The following KIFC1 variants were observed in gnomAD, a reference collection of about 807,000 sequenced individuals.
KIFC1 encodes the protein kinesin family member C1.
Under a neutral mutation model 66.6 loss-of-function variants are expected in KIFC1, and 37 were observed. The observed-to-expected ratio is 0.56, with a 90% CI of 0.43 to 0.73. KIFC1 has a LOEUF of 0.73. Among genes scored for constraint, KIFC1 ranks in the 30% least tolerant of loss-of-function variants. The pLI is 0.00. For synonymous variants in KIFC1, 325 were observed against 343.5 expected (o/e 0.95, Z 0.60); for missense variants, 721 against 859.8 (o/e 0.84, Z 2.02).
chr6:33,407,212 C>T, intron 10 of KIFC1: 1 of 489,660 alleles, frequency 2.0e-6, no homozygotes, highest in Non-Finnish European at 3.2e-6. Flanking sequence ...AGTTTAAAAT[C>T]AGTCTGGGCA....
chr6:33,399,972 G>A, intron 3 of KIFC1: 3 of 579,362 alleles, frequency 5.2e-6, no homozygotes, highest in Non-Finnish European at 9.2e-6. Flanking sequence ...CACTTGCCAA[G>A]GCTGATGTAA....
At position 33,404,608 on chromosome 6, in the gene KIFC1, C is replaced by T. The variant is rs1239689511; in HGVS notation, c.757-244C>T. On this transcript the variant is annotated intron_variant, in intron 6 of 10. Transcript: ENST00000428849. This position sits in a 1 kb window ranked among gnomAD's most constrained non-coding sequence, Gnocchi z 4.0. ...ATACTACATCCTTCCTTGGTTCACT[C>T]CTGTACTTCTGGGTGTCACCCTAGA... 1.3e-5 allele frequency among the ~76,000 whole-genome samples: 2 copies of T among 152,148 alleles called. No individual in the cohort carries two copies. The highest frequency in any genetic ancestry group is 2.9e-5 in the Non-Finnish European group (2 of 68,022).
At chr6:33,395,620 A>G (rs550886640) in intron 1 of KIFC1, among the ~76,000 whole-genome samples, 2 of 152,302 alleles carry the variant, frequency 1.3e-5, no homozygotes, top group African/African-American at 4.8e-5. Context: ...AAAAATATAT[A>G]TACTGTGGTC....
chr6:33,406,954 A>C lies in KIFC1; in HGVS notation c.1977+79A>C. 1 of 1,590,808 alleles carries C rather than the reference A, an allele frequency of 6.3e-7. No homozygotes were observed. The highest frequency in any genetic ancestry group is 8.6e-7 in the Non-Finnish European group (1 of 1,167,156). ...TCCATTCCAATCCCTTTTGTCTTCTAGGGCAGGGAGCACATTTGTGCAGAA... is the reference window on the plus strand; with the variant it reads ...TCCATTCCAATCCCTTTTGTCTTCTCGGGCAGGGAGCACATTTGTGCAGAA... On this transcript the variant is annotated intron_variant, in intron 10 of 10. Transcript: ENST00000428849. This position sits in a 1 kb window ranked among gnomAD's most constrained non-coding sequence, Gnocchi z 4.5.
In KIFC1 at chr6:33,397,956, G is replaced by C. The variant is rs548792744; in HGVS notation, c.13-73G>C. ...GGTGGTGGTGTTGACAATTGAGGCT[G>C]GGGGCCAAGACAGGAAGTTCTTGGG... On this transcript the variant is annotated intron_variant, in intron 1 of 10. Transcript: ENST00000428849. 1.6e-5 allele frequency: 25 copies of C among 1,536,656 alleles called. 1 individual carries two copies. Among genetic ancestry groups the C allele is most frequent in the South Asian group, 1.0e-4 (9 of 88,180 alleles).
In KIFC1 at chr6:33,409,705, C is replaced by CTGTGTGTGTGTG. The variant is rs3066474; in HGVS notation, c.*53_*64dup. The CTGTGTGTGTGTG allele has an allele frequency of 9.3e-4, 1,180 of 1,263,830 alleles. 8 individuals are homozygous for CTGTGTGTGTGTG. The highest frequency in any genetic ancestry group is 4.7e-3 in the African/African-American group (251 of 53,518). The allele number at this position is 1,263,830 out of a possible 1,614,324, so 78.3% of individuals were successfully genotyped here. ...ACAGGAAGTGAAGACGGATCCAGAT[C>CTGTGTGTGTGTG]TGTGTGTGTGTGTGTGTGTGTGTGT... is the stretch of plus-strand genomic sequence containing the variant. On this transcript the variant is annotated 3_prime_UTR_variant, in exon 11 of 11. Coordinates refer to ENST00000428849, the MANE Select transcript of KIFC1 (RefSeq NM_002263.4).
At chr6:33,398,817 A>C (rs1203970780) in intron 3 of KIFC1, among the ~76,000 whole-genome samples, 1 of 152,098 alleles carries the variant, frequency 6.6e-6, no homozygotes, top group African/African-American at 2.4e-5. Context: ...CAAAGGCACA[A>C]AGGTTGTTGT....
At position 33,406,846 on chromosome 6, in the gene KIFC1, T is replaced by G; in HGVS notation, c.1948T>G (p.Ser650Ala). The part of the protein sequence containing the change: ...ISPLEENVSE[S>A]LNSLRFASKV... Reference sequence around the variant, plus strand: ...TCCACTGGAAGAGAACGTCTCCGAGTCCCTCAACTCTCTACGCTTTGCCTC... The same window carrying G: ...TCCACTGGAAGAGAACGTCTCCGAGGCCCTCAACTCTCTACGCTTTGCCTC... Residue 650 changes from serine (S) to alanine (A), a missense_variant, in exon 10 of 11, where the codon TCC becomes GCC. Physicochemically the swap from Ser to Ala is moderately conservative, Grantham distance 99 (BLOSUM62 1). Coordinates refer to ENST00000428849, the MANE Select transcript of KIFC1 (RefSeq NM_002263.4). The surrounding 1 kb of genome is among the most constrained non-coding windows in gnomAD (Gnocchi z 4.5). 6.2e-7 allele frequency: 1 copy of G among 1,613,982 alleles called. No homozygotes were observed. Among genetic ancestry groups the G allele is most frequent in the Non-Finnish European group, 8.5e-7 (1 of 1,179,996 alleles).
rs1250920292 is a variant in KIFC1 at position 33,393,427 on chromosome 6, C to T, written c.12+1430C>T. Among the ~76,000 whole-genome samples, 3 of 142,088 alleles carry T rather than the reference C, an allele frequency of 2.1e-5. No individual in the cohort carries two copies. In the Admixed American group the frequency reaches 2.3e-4, roughly 11 times the overall value. 93.2% of individuals were successfully genotyped at this position (142,088 alleles called of 152,430 possible). A position where few individuals can be genotyped will look rare whatever the true frequency, so the allele number is the denominator to read the frequency against. ...CCACCAGATTTTCGTAACCATAGCA[C>T]CATTGCCTTTTTTTTTTTTTTTTTT... On this transcript the variant is annotated intron_variant, in intron 1 of 10. Transcript: ENST00000428849.
At position 33,400,818 on chromosome 6, in the gene KIFC1, G is replaced by T. The variant is rs1330682653; in HGVS notation, c.250+2431G>T. Among the ~76,000 whole-genome samples the T allele has an allele frequency of 6.6e-6, 1 of 151,868 alleles. No homozygotes were observed. The highest frequency in any genetic ancestry group is 1.5e-5 in the Non-Finnish European group (1 of 67,958). ...CCCTCCACCACACTTGGCTAATTTT[G>T]TTTTTTTGTATTTTTAATAGAGACA... On this transcript the variant is annotated intron_variant, in intron 3 of 10. Coordinates refer to ENST00000428849, the MANE Select transcript of KIFC1 (RefSeq NM_002263.4). The surrounding 1 kb of genome is among the most constrained non-coding windows in gnomAD (Gnocchi z 4.3).
intron 3 of KIFC1, among the ~76,000 whole-genome samples, chr6:33,399,585 G>T (rs1162065325): frequency 6.6e-6 from 1 of 152,190 alleles, no homozygotes; most frequent in Non-Finnish European, 1.5e-5. Context: ...TTGTTCTTGG[G>T]CAACAAGCCT....
Position 33,398,306 on chromosome 6 carries a change from G to T in KIFC1, c.169G>T (p.Gly57Cys), listed in dbSNP as rs1223639258. Residue 57 changes from glycine to cysteine, a missense_variant, in exon 3 of 11, where the codon GGT (glycine) becomes TGT (cysteine). Coordinates refer to ENST00000428849, the MANE Select transcript of KIFC1 (RefSeq NM_002263.4). ...TCCCCAGAAACGGACAAGAGGCCTG[G>T]GTGCAACGACCAAAATTACCACATC... ...EPEKKRTRGLGATTKITTSHP... is the reference protein window; with the variant it reads ...EPEKKRTRGLCATTKITTSHP... 6.2e-7 allele frequency: 1 copy of T among 1,614,044 alleles called. No individual in the cohort carries two copies. Among genetic ancestry groups the T allele is most frequent in the Admixed American group, 1.7e-5 (1 of 60,006 alleles).
chr6:33,399,992 CT>C, intron 3 of KIFC1: 1 of 593,254 alleles, frequency 1.7e-6, no homozygotes. Context: ...ACATTTTAAT[CT>C]TTTTTTAACT....
rs558520476 is a variant in KIFC1 at position 33,400,326 on chromosome 6, G to A, written c.250+1939G>A. The A allele has an allele frequency of 8.8e-4, 1,388 of 1,585,606 alleles. 2 individuals carry two copies. The highest frequency in any genetic ancestry group is 3.4e-3 in the Middle Eastern group (15 of 4,396). On this transcript the variant is annotated intron_variant, in intron 3 of 10. Coordinates refer to ENST00000428849, the MANE Select transcript of KIFC1 (RefSeq NM_002263.4). This position sits in a 1 kb window ranked among gnomAD's most constrained non-coding sequence, Gnocchi z 4.3. ...TGAGGGCTTTGATGATCGGGGCAGA[G>A]GCAGAAGGCACCACCTCAATCTGGG...
rs566475584 is a variant in KIFC1 at position 33,404,089 on chromosome 6, A to T, written c.716A>T (p.Glu239Val). 26 of 1,614,012 alleles carry T rather than the reference A, an allele frequency of 1.6e-5. 1 individual carries two copies. The highest frequency in any genetic ancestry group is 9.9e-5 in the South Asian group (9 of 91,066). ...CAGAAAAAACAGGTGGAATTGCAGGAAGAACGGAGGGGACTGATGTCCCAA... is the reference window on the plus strand; with the variant it reads ...CAGAAAAAACAGGTGGAATTGCAGGTAGAACGGAGGGGACTGATGTCCCAA... ...ELQKKQVELQ[E>V]ERRGLMSQLE... The change falls in exon 6 of 11, where the codon GAA becomes GTA. Residue 239 changes from glutamate to valine, a missense_variant. Coordinates refer to ENST00000428849, the MANE Select transcript of KIFC1 (RefSeq NM_002263.4). This position sits in a 1 kb window ranked among gnomAD's most constrained non-coding sequence, Gnocchi z 4.0.
At chr6:33,407,874 G>A (rs895810585) in intron 10 of KIFC1, among the ~76,000 whole-genome samples, 1 of 152,158 alleles carries the variant, frequency 6.6e-6, no homozygotes, top group African/African-American at 2.4e-5. Context: ...CCTCCTGCGC[G>A]TATAGCCCTT....
At chr6:33,399,389 T>A (rs187003074) in intron 3 of KIFC1, among the ~76,000 whole-genome samples, 1,805 of 150,170 alleles carry the variant, frequency 0.012, 21 homozygotes, top group Middle Eastern at 0.021. Flanking sequence ...AAAAAAAAAA[T>A]GAGAAAATAT....
At chr6:33,392,667 T>C (rs1774848042) in intron 1 of KIFC1, among the ~76,000 whole-genome samples, 1 of 117,724 alleles carries the variant, frequency 8.5e-6, no homozygotes, top group South Asian at 3.4e-4. Flanking sequence ...AGTGTACTTA[T>C]CTCTGGTGCC....
intron 1 of KIFC1, among the ~76,000 whole-genome samples, chr6:33,393,748 A>ATTTT (rs35719649): frequency 2.6e-5 from 3 of 115,774 alleles, no homozygotes; most frequent in Admixed American, 1.8e-4. Flanking sequence ...GCCCTGCAAC[A>ATTTT]TTTTTTTTTT....
Sources: allele counts gnomAD v4.1 joint callset (sites outside exome capture counted in the v4.1 genomes callset), GRCh38; gene constraint gnomAD v4.1.1; non-coding constraint Gnocchi (gnomAD v3.1); transcripts MANE v1.5; gene names NCBI Gene and HGNC (gene_info 2026-07-23, HGNC 2026-07-21).